The following ERG variants were observed in gnomAD, a reference collection of about 807,000 sequenced individuals.
ERG encodes ETS transcription factor ERG, also known as transcriptional regulator ERG.
Under a neutral mutation model 55.3 loss-of-function variants are expected in ERG, and 9 were observed. The ratio of observed to expected loss-of-function variants is 0.16; its 90% CI spans 0.10 to 0.28. The LOEUF is 0.28. Ranked by LOEUF, ERG falls within the 10% of genes least tolerant of loss-of-function variation. The pLI, the probability that ERG is intolerant of heterozygous loss-of-function variation, is 1.00. For synonymous variants in ERG, 223 were observed against 237.3 expected (o/e 0.94, Z 0.55); for missense variants, 434 against 631.6 (o/e 0.69, Z 3.35).
Position 38,381,825 on chromosome 21 carries a change from G to C in ERG, c.*1578C>G. 1 of 1,063,646 alleles carries C rather than the reference G, an allele frequency of 9.4e-7. No individual in the cohort carries two copies. The highest frequency in any genetic ancestry group is 1.1e-6 in the Non-Finnish European group (1 of 878,276). 65.9% of individuals were successfully genotyped at this position (1,063,646 alleles called of 1,614,324 possible). A position where few individuals can be genotyped will look rare whatever the true frequency, so the allele number is the denominator to read the frequency against. On this transcript the variant is annotated 3_prime_UTR_variant, in exon 10 of 10. Transcript: ENST00000288319. ...GGTCCTTCTGTTCCAAAAGGGGCTAGAAATAAAAGACAGGAGGGGAGGCAA... is the reference window on the plus strand; with the variant it reads ...GGTCCTTCTGTTCCAAAAGGGGCTACAAATAAAAGACAGGAGGGGAGGCAA...
intron 3 of ERG, among the ~76,000 whole-genome samples, chr21:38,420,813 T>G (rs1054452269): frequency 6.6e-6 from 1 of 152,226 alleles, no homozygotes; most frequent in Non-Finnish European, 1.5e-5. Flanking sequence ...CTCTTACATC[T>G]GTGATTCAAT....
intron 2 of ERG, among the ~76,000 whole-genome samples, chr21:38,526,774 A>C (rs531230978): frequency 1.6e-4 from 24 of 152,288 alleles, no homozygotes; most frequent in African/African-American, 5.8e-4. Flanking sequence ...GTTATAATAA[A>C]AATGTTACCG....
At chr21:38,414,354 A>G (rs1989189043) in intron 3 of ERG, among the ~76,000 whole-genome samples, 1 of 152,202 alleles carries the variant, frequency 6.6e-6, no homozygotes, top group African/African-American at 2.4e-5. Flanking sequence ...CTATTTCCAC[A>G]TAAGGTCACA....
intron 9 of ERG, 48 bp downstream of exon 9, chr21:38,390,947 C>G: frequency 6.6e-7 from 1 of 1,507,838 alleles, no homozygotes. Flanking sequence ...AAAATAACCA[C>G]TGCCAAAAAG....
intron 1 of ERG, among the ~76,000 whole-genome samples, chr21:38,611,341 C>T (rs1376517673): frequency 6.6e-6 from 1 of 152,158 alleles, no homozygotes; most frequent in African/African-American, 2.4e-5. Flanking sequence ...GCTCACAACC[C>T]GCCAATGCTG....
upstream of ERG, chr21:38,661,706 G>C (rs2060558096): frequency 6.6e-6 from 1 of 152,240 alleles, no homozygotes; most frequent in African/African-American, 2.4e-5. Context: ...CGTCACGACC[G>C]TCCCGGAGCG....
In ERG at chr21:38,381,909, C is replaced by A. The variant is rs1466498115; in HGVS notation, c.*1494G>T. On this transcript the variant is annotated 3_prime_UTR_variant, in exon 10 of 10. Transcript: ENST00000288319. ...CCAAACATCCTATTTCCTTGGCTCT[C>A]CCTTGCACAAGTTCCTGGACAAAGT... is the stretch of plus-strand genomic sequence containing the variant. The A allele has an allele frequency of 9.4e-7, 1 of 1,063,404 alleles. No homozygotes were observed. Among genetic ancestry groups the A allele is most frequent in the Non-Finnish European group, 1.1e-6 (1 of 878,134 alleles). 65.9% of individuals were successfully genotyped at this position (1,063,404 alleles called of 1,614,324 possible). A position where few individuals can be genotyped will look rare whatever the true frequency, so the allele number is the denominator to read the frequency against.
At chr21:38,508,842 C>T (rs80335900) in intron 2 of ERG, among the ~76,000 whole-genome samples, 10 of 152,170 alleles carry the variant, frequency 6.6e-5, no homozygotes, top group Non-Finnish European at 5.9e-5. Context: ...AGCAGAAGTT[C>T]AGCTATGTGG....
intron 1 of ERG, among the ~76,000 whole-genome samples, chr21:38,590,002 T>C (rs2060090078): frequency 6.6e-6 from 1 of 152,216 alleles, no homozygotes; most frequent in Non-Finnish European, 1.5e-5. Context: ...CTGAGTATGC[T>C]CTTCAGTTCT....
At chr21:38,426,733 C>A (rs1989843324) in intron 2 of ERG, among the ~76,000 whole-genome samples, 1 of 151,748 alleles carries the variant, frequency 6.6e-6, no homozygotes, top group African/African-American at 2.4e-5. Flanking sequence ...GAGTTTGAGA[C>A]CAGCCTGACC....
At chr21:38,430,438 T>C (rs1388113018) in intron 2 of ERG, among the ~76,000 whole-genome samples, 1 of 152,250 alleles carries the variant, frequency 6.6e-6, no homozygotes, top group Non-Finnish European at 1.5e-5. Flanking sequence ...TTATCTTTGT[T>C]TTTGTTGCAT....
chr21:38,590,217 A>G (rs1365570026), intron 1 of ERG, among the ~76,000 whole-genome samples: 1 of 152,166 alleles, frequency 6.6e-6, no homozygotes, highest in East Asian at 1.9e-4. Context: ...TTATACTTTA[A>G]ATTAAATTAC....
intron 1 of ERG, among the ~76,000 whole-genome samples, chr21:38,620,996 G>A (rs2060286826): frequency 6.6e-6 from 1 of 152,216 alleles, no homozygotes; most frequent in Non-Finnish European, 1.5e-5. Flanking sequence ...CATTTATTGA[G>A]AGAACTCGAA....
At chr21:38,404,230 G>C (rs1988652905) in intron 3 of ERG, among the ~76,000 whole-genome samples, 1 of 152,136 alleles carries the variant, frequency 6.6e-6, no homozygotes, top group South Asian at 2.1e-4. Flanking sequence ...AATCGGAAAT[G>C]AAATATAGAT....
intron 1 of ERG, among the ~76,000 whole-genome samples, chr21:38,628,408 C>T (rs376223364): frequency 1.8e-3 from 279 of 152,254 alleles, no homozygotes; most frequent in African/African-American, 5.1e-3. Flanking sequence ...TAAGGGACCA[C>T]ATGAGCATTA....
intron 3 of ERG, among the ~76,000 whole-genome samples, chr21:38,417,121 C>T (rs1483969841): frequency 6.6e-6 from 1 of 152,194 alleles, no homozygotes; most frequent in African/African-American, 2.4e-5. Flanking sequence ...TGACAGCCTT[C>T]GGTCATCTCC....
intron 2 of ERG, among the ~76,000 whole-genome samples, chr21:38,536,376 T>C (rs1244598666): frequency 2.0e-5 from 3 of 152,072 alleles, no homozygotes; most frequent in Non-Finnish European, 4.4e-5. Flanking sequence ...AGTCATTCCA[T>C]CCCAGGTTTA....
At chr21:38,622,217 G>A (rs933547821) in intron 1 of ERG, among the ~76,000 whole-genome samples, 18 of 152,296 alleles carry the variant, frequency 1.2e-4, no homozygotes, top group Admixed American at 9.8e-4. Flanking sequence ...CATGCTCCAC[G>A]TGTAAACGTA....
intron 3 of ERG, among the ~76,000 whole-genome samples, chr21:38,421,955 C>T (rs753066905): frequency 2.0e-5 from 3 of 152,158 alleles, no homozygotes; most frequent in Non-Finnish European, 2.9e-5. Flanking sequence ...CTGGTTCAAG[C>T]GATTCTCCTG....
Sources: allele counts gnomAD v4.1 joint callset (sites outside exome capture counted in the v4.1 genomes callset), GRCh38; gene constraint gnomAD v4.1.1; transcripts MANE v1.5; gene names NCBI Gene and HGNC (gene_info 2026-07-23, HGNC 2026-07-21).